The following WDR27 variants were observed in gnomAD, a reference collection of about 807,000 sequenced individuals.
The protein encoded by WDR27 is WD repeat-containing protein 27.
WDR27 carries 100 observed loss-of-function variants against 114.4 expected under a neutral mutation model. That is an observed-to-expected ratio of 0.87 (90% confidence interval 0.74 to 1.03). The LOEUF (loss-of-function observed/expected upper bound fraction) is 1.03, where lower values mean the gene tolerates loss of function less well. Ranked by LOEUF, WDR27 falls within the 50% of genes least tolerant of loss-of-function variation. The pLI, the probability that WDR27 is intolerant of heterozygous loss-of-function variation, is 0.00. For synonymous variants in WDR27, 449 were observed against 423.1 expected (o/e 1.06, Z -0.75); for missense variants, 1,129 against 1,092.9 (o/e 1.03, Z -0.47).
At chr6:169,496,202 G>T (rs1009287207) in intron 25 of WDR27, among the ~76,000 whole-genome samples, 1 of 151,918 alleles carries the variant, frequency 6.6e-6, no homozygotes, top group Non-Finnish European at 1.5e-5. Context: ...AAAAACACAC[G>T]ATTATCTCAA....
At chr6:169,622,998 A>T (rs945025060) in intron 21 of WDR27, among the ~76,000 whole-genome samples, 2 of 152,204 alleles carry the variant, frequency 1.3e-5, no homozygotes, top group Admixed American at 6.5e-5. Flanking sequence ...CTCAAAGATT[A>T]GAAATTATGG....
At chr6:169,459,192 CAATT>C (rs1426808147) in intron 25 of WDR27, among the ~76,000 whole-genome samples, 1 of 151,732 alleles carries the variant, frequency 6.6e-6, no homozygotes, top group Non-Finnish European at 1.5e-5. Flanking sequence ...ATTACTGAAA[CAATT>C]AAGAGAGATG....
chr6:169,690,562 C>T (rs1784224046), intron 1 of WDR27, among the ~76,000 whole-genome samples: 1 of 152,186 alleles, frequency 6.6e-6, no homozygotes, highest in African/African-American at 2.4e-5. Context: ...ACCCCATCCA[C>T]CTCCTTCCCA....
chr6:169,448,792 C>G, the WDR27 span, among the ~76,000 whole-genome samples: 3 of 152,272 alleles, frequency 2.0e-5, no homozygotes, highest in Middle Eastern at 3.4e-3. Context: ...CTGCCATAAG[C>G]AGAACCGATC....
chr6:169,622,260 C>A (rs1813544125), intron 21 of WDR27, among the ~76,000 whole-genome samples: 1 of 152,182 alleles, frequency 6.6e-6, no homozygotes, highest in Admixed American at 6.5e-5. Flanking sequence ...CGTGTGAAAT[C>A]AAACTGTGTT....
chr6:169,578,091 G>A (rs759568104), intron 24 of WDR27, among the ~76,000 whole-genome samples: 1 of 152,194 alleles, frequency 6.6e-6, no homozygotes, highest in Non-Finnish European at 1.5e-5. Context: ...CTACTGGGAG[G>A]TTGGTGTCAT....
intron 21 of WDR27, 106 bp from the exon 22 acceptor site, chr6:169,613,762 C>A (rs917012686): frequency 3.8e-6 from 4 of 1,039,934 alleles, no homozygotes; most frequent in Non-Finnish European, 5.5e-6. Context: ...GATATTAACA[C>A]AAAGTTTTTT....
At chr6:169,674,311 T>C (rs1179900402) in intron 2 of WDR27, among the ~76,000 whole-genome samples, 2 of 152,204 alleles carry the variant, frequency 1.3e-5, no homozygotes. Flanking sequence ...TTAGAATTAC[T>C]AGACAAGAAC....
chr6:169,510,750 G>A (rs540656414), intron 25 of WDR27, among the ~76,000 whole-genome samples: 2 of 152,086 alleles, frequency 1.3e-5, no homozygotes, highest in Non-Finnish European at 2.9e-5. Context: ...CCTGCACGTT[G>A]TGCACATGTA....
intron 25 of WDR27, among the ~76,000 whole-genome samples, chr6:169,481,574 C>T (rs181930940): frequency 9.8e-4 from 150 of 152,346 alleles, no homozygotes; most frequent in African/African-American, 3.5e-3. Context: ...TCTGCAGCTT[C>T]ACTCCTGAGG....
At chr6:169,654,672 G>A (rs371192830) in intron 13 of WDR27, among the ~76,000 whole-genome samples, 1 of 152,054 alleles carries the variant, frequency 6.6e-6, no homozygotes, top group Non-Finnish European at 1.5e-5. Flanking sequence ...GAAAGCACAC[G>A]CCTAAGTGAG....
chr6:169,465,593 C>T (rs925733657), intron 25 of WDR27, among the ~76,000 whole-genome samples: 7 of 152,198 alleles, frequency 4.6e-5, no homozygotes, highest in African/African-American at 1.7e-4. Flanking sequence ...TATTTCTACA[C>T]TTATGTTTAT....
At chr6:169,670,916 G>C (rs2128295136) in intron 3 of WDR27, 1 of 520,278 alleles carries the variant, frequency 1.9e-6, no homozygotes, top group Non-Finnish European at 3.3e-6. Context: ...GACTCTCTCA[G>C]CATCGAAACA....
At chr6:169,682,418 C>T (rs1005842192) in intron 2 of WDR27, among the ~76,000 whole-genome samples, 2 of 152,230 alleles carry the variant, frequency 1.3e-5, no homozygotes, top group African/African-American at 2.4e-5. Context: ...CCAGTACCCA[C>T]GCTGAGTCCT....
At chr6:169,663,156 A>T (rs1460979538) in intron 8 of WDR27, among the ~76,000 whole-genome samples, 1 of 152,258 alleles carries the variant, frequency 6.6e-6, no homozygotes, top group Non-Finnish European at 1.5e-5. Flanking sequence ...GAACCAGAGC[A>T]AGGGAGTGGG....
At position 169,638,616 on chromosome 6, in the gene WDR27, T is replaced by G. The variant is rs1818325880; in HGVS notation, c.1792A>C (p.Arg598=). 1.2e-6 allele frequency: 2 copies of G among 1,607,764 alleles called. No homozygotes were observed. The highest frequency in any genetic ancestry group is 1.7e-6 in the Non-Finnish European group (2 of 1,177,374). Residue 598 remains arginine, a synonymous_variant, in exon 18 of 26, where the codon AGG becomes CGG. Coordinates refer to ENST00000448612, the MANE Select transcript of WDR27 (RefSeq NM_182552.5). The part of the protein sequence containing the change: ...VNAVCWSQDR[R]WLLSAARDGT... The stretch of plus-strand genomic sequence containing the variant: ...TCCCGGGCCGCAGAGAGCAGCCACC[T>G]CCGGTCCTGGCTCCAGCACACGGCA...
At chr6:169,637,066 TTA>T (rs1817809291) in intron 18 of WDR27, among the ~76,000 whole-genome samples, 1 of 152,216 alleles carries the variant, frequency 6.6e-6, no homozygotes, top group South Asian at 2.1e-4. Context: ...GGACTGCTTT[TTA>T]TGTTATGTTC....
chr6:169,675,086 T>C (rs1396068144), intron 2 of WDR27, among the ~76,000 whole-genome samples: 1 of 152,190 alleles, frequency 6.6e-6, no homozygotes, highest in Non-Finnish European at 1.5e-5. Context: ...GATGTGTACA[T>C]GCAGGTCACA....
chr6:169,500,784 CT>C (rs1044482384), intron 25 of WDR27, among the ~76,000 whole-genome samples: 17 of 152,204 alleles, frequency 1.1e-4, no homozygotes, highest in African/African-American at 4.1e-4. Flanking sequence ...CTTCTACTCA[CT>C]GAGGGGCTCG....
Sources: gnomAD v4.1 joint callset for allele counts (sites outside exome capture counted in the v4.1 genomes callset) on GRCh38, gnomAD v4.1.1 for gene constraint, MANE v1.5 for transcripts, NCBI Gene and HGNC (gene_info 2026-07-23, HGNC 2026-07-21) for gene names.